RNF217: variants seen among roughly 807,000 people sequenced by gnomAD.
The protein encoded by RNF217 is E3 ubiquitin-protein ligase RNF217.
In RNF217, 31 loss-of-function variants were observed where a neutral mutation model predicts 57.8. The ratio of observed to expected loss-of-function variants is 0.54; its 90% confidence interval spans 0.40 to 0.72. The LOEUF (loss-of-function observed/expected upper bound fraction) is 0.72. Among genes scored for constraint, RNF217 ranks in the 30% least tolerant of loss-of-function variants. The pLI is 0.00. For missense variants in RNF217, 696 were observed against 708.3 expected, an observed-to-expected ratio of 0.98 and a Z score of 0.20; for synonymous variants, 313 against 294.0, an observed-to-expected ratio of 1.06 and a Z score of -0.66.
At chr6:124,975,919 T>G (rs538186520) in intron 1 of RNF217, among the ~76,000 whole-genome samples, 1 of 152,138 alleles carries the variant, frequency 6.6e-6, no homozygotes, top group African/African-American at 2.4e-5. Context: ...CACCTCAAGA[T>G]TTTTAAAAAA....
intron 1 of RNF217, among the ~76,000 whole-genome samples, chr6:125,019,835 G>GA (rs993727332): frequency 1.3e-5 from 2 of 150,382 alleles, no homozygotes; most frequent in South Asian, 2.1e-4. Flanking sequence ...TTTTGCAGTG[G>GA]GGGGGGAGTG....
chr6:125,069,709 A>G (rs920195118), intron 3 of RNF217, among the ~76,000 whole-genome samples: 3 of 152,184 alleles, frequency 2.0e-5, no homozygotes, highest in South Asian at 2.1e-4. Context: ...TCTTTGAGAA[A>G]TCTCCAAACT....
intron 2 of RNF217, among the ~76,000 whole-genome samples, chr6:125,049,256 C>T (rs1787216153): frequency 6.6e-6 from 1 of 152,042 alleles, no homozygotes; most frequent in African/African-American, 2.4e-5. Context: ...ACACCCAAAG[C>T]TTTTCACCAT....
chr6:125,063,533 G>T (rs569250839), intron 3 of RNF217, among the ~76,000 whole-genome samples: 2 of 152,118 alleles, frequency 1.3e-5, no homozygotes. Flanking sequence ...GACATTTATT[G>T]CATGTCAGTC....
At chr6:124,997,899 A>G (rs1168718822) in intron 1 of RNF217, among the ~76,000 whole-genome samples, 1 of 152,024 alleles carries the variant, frequency 6.6e-6, no homozygotes, top group Non-Finnish European at 1.5e-5. Context: ...TACTGATCCC[A>G]CCGCTTGAAC....
At chr6:125,080,511 A>C (rs1354480392) in intron 4 of RNF217, among the ~76,000 whole-genome samples, 1 of 152,090 alleles carries the variant, frequency 6.6e-6, no homozygotes, top group Non-Finnish European at 1.5e-5. Flanking sequence ...TCATCCTTAA[A>C]TTGCCTTGTG....
At position 124,963,239 on chromosome 6, in the gene RNF217, A is replaced by T; in HGVS notation, c.695A>T (p.Glu232Val). ...GAGCTGGAGTTCTACCTGGCGCCCGAGCCGTTCTCCATGCCCAGCCTGTTG... is the reference window on the plus strand; with the variant it reads ...GAGCTGGAGTTCTACCTGGCGCCCGTGCCGTTCTCCATGCCCAGCCTGTTG... ...SIELEFYLAP[E>V]PFSMPSLLGA... Residue 232 changes from glutamate (E) to valine (V), a missense_variant, in exon 1 of 6, where the codon GAG (glutamate) becomes GTG (valine). Glu to Val is a moderately radical substitution (Grantham distance 121). Around this residue, in one of 2 missense-constraint regions of RNF217, gnomAD observed 465 missense variants for 386.8 expected, o/e 1.20. Coordinates refer to ENST00000521654, the MANE Select transcript of RNF217 (RefSeq NM_001286398.3). The T allele has an allele frequency of 6.5e-7, 1 of 1,535,994 alleles. No homozygotes were observed. The highest frequency in any genetic ancestry group is 1.2e-5 in the South Asian group (1 of 84,050).
At chr6:125,081,833 A>G (rs1788587565) in intron 5 of RNF217, among the ~76,000 whole-genome samples, 1 of 152,056 alleles carries the variant, frequency 6.6e-6, no homozygotes, top group African/African-American at 2.4e-5. Flanking sequence ...TCTAATTCTG[A>G]GTTCAGGTTG....
At chr6:125,071,347 G>A (rs1409975365) in intron 3 of RNF217, among the ~76,000 whole-genome samples, 2 of 152,102 alleles carry the variant, frequency 1.3e-5, no homozygotes, top group African/African-American at 4.8e-5. Flanking sequence ...GCCATCACGA[G>A]GGTGAACAAC....
intron 1 of RNF217, among the ~76,000 whole-genome samples, chr6:125,042,246 G>T (rs543678677): frequency 5.6e-4 from 85 of 152,180 alleles, no homozygotes; most frequent in African/African-American, 2.0e-3. Flanking sequence ...GTTCCAAACT[G>T]CCAATTACTG....
chr6:125,050,742 CAG>C (rs926491245), intron 2 of RNF217, among the ~76,000 whole-genome samples: 2 of 151,328 alleles, frequency 1.3e-5, no homozygotes, highest in African/African-American at 2.4e-5. Context: ...TTTAAGTTGA[CAG>C]TGTTTACAAA....
chr6:125,058,327 A>G (rs1026120941), intron 3 of RNF217, among the ~76,000 whole-genome samples: 3 of 152,184 alleles, frequency 2.0e-5, no homozygotes, highest in Admixed American at 6.5e-5. Context: ...TAAGGAGGCC[A>G]CATATAAATA....
At chr6:125,070,352 T>C (rs1788089751) in intron 3 of RNF217, among the ~76,000 whole-genome samples, 1 of 152,210 alleles carries the variant, frequency 6.6e-6, no homozygotes, top group Non-Finnish European at 1.5e-5. Flanking sequence ...ATGATGTCTG[T>C]CCTTTTGGAT....
At chr6:125,063,446 A>G (rs1021443557) in intron 3 of RNF217, among the ~76,000 whole-genome samples, 2 of 152,182 alleles carry the variant, frequency 1.3e-5, no homozygotes, top group African/African-American at 4.8e-5. Flanking sequence ...CTGATACGCC[A>G]TCTCTATACA....
chr6:125,082,780 C>T, intron 5 of RNF217, 84 bp from the exon 6 acceptor site: 1 of 1,173,468 alleles, frequency 8.5e-7, no homozygotes, highest in Admixed American at 2.2e-5. Flanking sequence ...TCGTACACTG[C>T]AAATAAATAA....
At chr6:125,051,150 C>T (rs1248807888) in intron 2 of RNF217, among the ~76,000 whole-genome samples, 1 of 151,628 alleles carries the variant, frequency 6.6e-6, no homozygotes, top group Non-Finnish European at 1.5e-5. Flanking sequence ...CTTCTAACAG[C>T]CAAATGTTGG....
At chr6:125,047,087 G>C (rs1020245819) in intron 2 of RNF217, among the ~76,000 whole-genome samples, 17 of 151,960 alleles carry the variant, frequency 1.1e-4, no homozygotes, top group African/African-American at 4.1e-4. Flanking sequence ...TATTGTATAA[G>C]ATCAGGAAAT....
chr6:125,032,512 G>T (rs542716305), intron 1 of RNF217, among the ~76,000 whole-genome samples: 1 of 151,846 alleles, frequency 6.6e-6, no homozygotes, highest in South Asian at 2.1e-4. Context: ...GTCAAGTAAA[G>T]AAAGCTAGGT....
At chr6:124,976,133 C>T (rs777329065) in intron 1 of RNF217, among the ~76,000 whole-genome samples, 4 of 151,980 alleles carry the variant, frequency 2.6e-5, no homozygotes, top group Non-Finnish European at 5.9e-5. Context: ...TTGTCAAGTT[C>T]TCATGGTTAT....
Sources: allele counts gnomAD v4.1 joint callset (sites outside exome capture counted in the v4.1 genomes callset), GRCh38; gene constraint gnomAD v4.1.1; regional missense constraint gnomAD v4.1.1; transcripts MANE v1.5; gene names NCBI Gene and HGNC (gene_info 2026-07-23, HGNC 2026-07-21).